The following RSAD1 variants were observed in gnomAD, a reference collection of about 807,000 sequenced individuals.
RSAD1 encodes the protein radical S-adenosyl methionine domain-containing protein 1, mitochondrial.
RSAD1 carries 34 observed loss-of-function variants against 46.2 expected under a neutral mutation model. That is an observed-to-expected ratio of 0.74 (90% CI 0.56 to 0.98). The LOEUF (loss-of-function observed/expected upper bound fraction) is 0.98. Ranked by LOEUF, RSAD1 falls within the 50% of genes least tolerant of loss-of-function variation. RSAD1 has a pLI of 0.00. For missense variants in RSAD1, 635 were observed against 592.3 expected, an observed-to-expected ratio of 1.07 and a Z score of -0.75; for synonymous variants, 260 against 253.5, an observed-to-expected ratio of 1.03 and a Z score of -0.24.
intron 3 of RSAD1, 82 bp from the exon 4 acceptor site, chr17:50,482,009 T>A (rs1458064581): frequency 5.5e-6 from 8 of 1,450,474 alleles, no homozygotes; most frequent in Non-Finnish European, 7.3e-6. Flanking sequence ...GCGTTCTCCC[T>A]GTATCTGTGT....
At chr17:50,484,224 G>A in intron 7 of RSAD1, 1 of 554,834 alleles carries the variant, frequency 1.8e-6, no homozygotes, top group Non-Finnish European at 3.2e-6. Flanking sequence ...CATAGAGGAA[G>A]GCCTGGCTTG....
chr17:50,484,933 T>G lies in RSAD1; in HGVS notation c.*72T>G. On this transcript the variant is annotated 3_prime_UTR_variant, in exon 9 of 9. Transcript: ENST00000258955. ...GCTGGGTCGGTACTGCAGACATCTC[T>G]TCTCCGTTGTCGGGTGCCGTCTCTG... is the stretch of plus-strand genomic sequence containing the variant. 1.8e-5 allele frequency: 22 copies of G among 1,225,018 alleles called. No homozygotes were observed. The highest frequency in any genetic ancestry group is 2.2e-5 in the Non-Finnish European group (18 of 833,858). The allele number at this position is 1,225,018 out of a possible 1,614,324, so 75.9% of individuals were successfully genotyped here. A position where few individuals can be genotyped will look rare whatever the true frequency, so the allele number is the denominator to read the frequency against.
intron 8 of RSAD1, 80 bp from the exon 9 acceptor site, chr17:50,484,664 C>A: frequency 6.6e-7 from 1 of 1,520,030 alleles, no homozygotes; most frequent in Non-Finnish European, 9.1e-7. Context: ...CCTGCGGGTG[C>A]TGGGAGCTCG....
In RSAD1 at chr17:50,483,862, G is replaced by A. The variant is rs1312113097; in HGVS notation, c.1107+102G>A. The A allele has an allele frequency of 4.3e-6, 5 of 1,163,730 alleles. No individual in the cohort carries two copies. The Admixed American group carries it at 8.3e-5, about 19-fold the overall frequency. The allele number at this position is 1,163,730 out of a possible 1,614,324, so 72.1% of individuals were successfully genotyped here. ...CCACACACATATACCTCCAATTTCT[G>A]TGAGATTGGCAGCTAGAAGTGGGGC... On this transcript the variant is annotated intron_variant, in intron 7 of 8. Coordinates refer to ENST00000258955, the MANE Select transcript of RSAD1 (RefSeq NM_018346.3).
rs775123103 is a variant in RSAD1, at chr17:50,480,009, TC to T, written c.401del (p.Pro134LeufsTer22). The stretch of plus-strand genomic sequence containing the variant: ...ACTTGGAAGTCACATTGGAGGCTAA[TC>T]CTACTTCAGCTCCGGGCTCCAGACT... ...ADLEVTLEAN[P>X]TSAPGSRLAE... is the part of the protein sequence containing the mutation. On this transcript the variant is annotated frameshift_variant, in exon 3 of 9. Transcript: ENST00000258955. LOFTEE classifies it high-confidence loss of function. 89 of 1,614,176 alleles carry T rather than the reference TC, an allele frequency of 5.5e-5. No individual in the cohort carries two copies. Among genetic ancestry groups the T allele is most frequent in the Admixed American group, 1.8e-4 (11 of 60,028 alleles).
Position 50,478,895 on chromosome 17 carries a change from C to T in RSAD1, c.11C>T (p.Pro4Leu), listed in dbSNP as rs752123291. Residue 4 changes from proline (P) to leucine (L), a missense_variant, in exon 1 of 9, where the codon CCC becomes CTC. Pro to Leu is a moderately conservative substitution (Grantham distance 98). Coordinates refer to ENST00000258955, the MANE Select transcript of RSAD1 (RefSeq NM_018346.3). MAL[P>L]GARARGWAAA... ...GCTGCGCTGGGCGCCATGGCGCTCC[C>T]CGGAGCCCGGGCTCGCGGCTGGGCG... is the stretch of plus-strand genomic sequence containing the variant. 3.0e-5 allele frequency: 39 copies of T among 1,312,454 alleles called. No homozygotes were observed. Among genetic ancestry groups the T allele is most frequent in the Non-Finnish European group, 3.6e-5 (37 of 1,038,558 alleles). The allele number at this position is 1,312,454 out of a possible 1,614,324, so 81.3% of individuals were successfully genotyped here.
intron 5 of RSAD1, among the ~76,000 whole-genome samples, 154 bp from the exon 6 acceptor site, chr17:50,483,186 A>AG (rs1473931007): frequency 2.2e-4 from 31 of 141,304 alleles, no homozygotes; most frequent in African/African-American, 8.5e-4. Flanking sequence ...AAAAAAAAAA[A>AG]AAAAAAGAAA....
intron 5 of RSAD1, 139 bp from the exon 6 acceptor site, chr17:50,483,201 G>GAAAGAAAA: frequency 1.5e-6 from 1 of 648,578 alleles, no homozygotes; most frequent in East Asian, 3.6e-5. Flanking sequence ...AAGAAAGAAA[G>GAAAGAAAA]AAAGAAAGAA....
intron 7 of RSAD1, 25 bp from the exon 8 acceptor site, chr17:50,484,414 CCCA>C: frequency 1.2e-6 from 2 of 1,606,350 alleles, no homozygotes; most frequent in Non-Finnish European, 1.7e-6. Flanking sequence ...AGGCCAGCTC[CCCA>C]CCTCTGACCC....
Position 50,478,982 on chromosome 17 carries a change from C to A in RSAD1, c.98C>A (p.Pro33His), listed in dbSNP as rs766924704. Residue 33 changes from proline (P) to histidine (H), a missense_variant, in exon 1 of 9, where the codon CCT becomes CAT. Transcript: ENST00000258955. ...RVENAGGSPS[P>H]EPAGRRAALY... ...GAGAACGCAGGAGGGTCCCCGAGTC[C>A]TGAGCCTGCGGGCCGGCGCGCGGCG... 5.6e-5 allele frequency: 78 copies of A among 1,393,998 alleles called. No homozygotes were observed. In the Middle Eastern group the frequency reaches 9.0e-4, roughly 16 times the overall value. The allele number at this position is 1,393,998 out of a possible 1,614,324, so 86.4% of individuals were successfully genotyped here.
At chr17:50,480,309 C>G (rs1360869736) in intron 3 of RSAD1, 2 of 571,544 alleles carry the variant, frequency 3.5e-6, no homozygotes, top group South Asian at 4.0e-5. Flanking sequence ...ATTTCAAACA[C>G]TTACCATAGT....
chr17:50,484,315 T>G lies in RSAD1; in HGVS notation c.1108-127T>G, dbSNP rs2033422833. Reference sequence around the variant, plus strand: ...GCTGGCCCATTGGCCTGGTTCTGCTTTCATGCATGTCAGCTGCTGAGATCT... The same window carrying G: ...GCTGGCCCATTGGCCTGGTTCTGCTGTCATGCATGTCAGCTGCTGAGATCT... On this transcript the variant is annotated intron_variant, in intron 7 of 8. Transcript: ENST00000258955. 3 of 758,698 alleles carry G rather than the reference T, an allele frequency of 4.0e-6. No homozygotes were observed. The South Asian group carries it at 5.3e-5, about 13-fold the overall frequency. 47.0% of individuals were successfully genotyped at this position (758,698 alleles called of 1,614,324 possible). A position where few individuals can be genotyped will look rare whatever the true frequency, so the allele number is the denominator to read the frequency against.
rs548682599 is a variant in RSAD1, at chr17:50,480,288, G to A, written c.474+204G>A. On this transcript the variant is annotated intron_variant, in intron 3 of 8. Transcript: ENST00000258955. ...AGACTTTATGAGAAAGGGATCAGGTGTGGCTTTTCTATTTCAAACACTTAC... is the reference window on the plus strand; with the variant it reads ...AGACTTTATGAGAAAGGGATCAGGTATGGCTTTTCTATTTCAAACACTTAC... 62 of 600,200 alleles carry A rather than the reference G, an allele frequency of 1.0e-4. No individual in the cohort carries two copies. The South Asian group carries it at 1.1e-3, about 11-fold the overall frequency. 37.2% of individuals were successfully genotyped at this position (600,200 alleles called of 1,614,324 possible).
intron 3 of RSAD1, 152 bp from the exon 4 acceptor site, chr17:50,481,939 G>A: frequency 1.2e-6 from 1 of 853,842 alleles, no homozygotes; most frequent in Admixed American, 2.8e-5. Flanking sequence ...TCTGTGAATG[G>A]CAGCTCTTGG....
intron 7 of RSAD1, 48 bp from the exon 8 acceptor site, chr17:50,484,394 C>T (rs753562297): frequency 1.9e-6 from 3 of 1,554,956 alleles, no homozygotes; most frequent in South Asian, 2.3e-5. Flanking sequence ...CTATGTGGCC[C>T]AGAGTAGCCA....
At chr17:50,479,524 A>C in intron 1 of RSAD1, 105 bp from the exon 2 acceptor site, 1 of 1,471,108 alleles carries the variant, frequency 6.8e-7, no homozygotes, top group African/African-American at 1.4e-5. Context: ...GCTACTGTGG[A>C]AAGACCTCGG....
rs1424693374 is a variant in RSAD1 at position 50,478,969 on chromosome 17, GGGTCCCC to G, written c.87_93del (p.Ser30ValfsTer45). ...GCGCCGCCGCGTGGAGAACGCAGGA[GGGTCCCC>G]GAGTCCTGAGCCTGCGGGCCGGCGC... On this transcript the variant is annotated frameshift_variant, in exon 1 of 9. Transcript: ENST00000258955. LOFTEE classifies it high-confidence loss of function. 2 of 1,403,012 alleles carry G rather than the reference GGGTCCCC, an allele frequency of 1.4e-6. No individual in the cohort carries two copies. The highest frequency in any genetic ancestry group is 1.8e-6 in the Non-Finnish European group (2 of 1,084,682). The allele number at this position is 1,403,012 out of a possible 1,614,324, so 86.9% of individuals were successfully genotyped here.
chr17:50,479,106 T>C, intron 1 of RSAD1, 87 bp downstream of exon 1: 1 of 1,246,134 alleles, frequency 8.0e-7, no homozygotes, highest in Non-Finnish European at 1.0e-6. Flanking sequence ...TGGCGGTTTG[T>C]CACTCTATGA....
Position 50,484,494 on chromosome 17 carries a change from A to T in RSAD1, c.1160A>T (p.Asn387Ile), listed in dbSNP as rs2033426092. 6.2e-7 allele frequency: 1 copy of T among 1,613,668 alleles called. No individual in the cohort carries two copies. Among genetic ancestry groups the T allele is most frequent in the African/African-American group, 1.3e-5 (1 of 74,936 alleles). Reference protein sequence around the residue: ...QLTLWDVFGANKEVQELLERG... With the variant: ...QLTLWDVFGAIKEVQELLERG... ...ACCCTGTGGGATGTGTTTGGAGCGA[A>T]CAAGGAGGTGCAGGAGCTGCTGGAG... The change falls in exon 8 of 9, where the codon AAC (asparagine) becomes ATC (isoleucine). Residue 387 changes from asparagine to isoleucine, a missense_variant. Transcript: ENST00000258955.
Sources: gnomAD v4.1 joint callset for allele counts (sites outside exome capture counted in the v4.1 genomes callset) on GRCh38, gnomAD v4.1.1 for gene constraint, MANE v1.5 for transcripts, NCBI Gene and HGNC (gene_info 2026-07-23, HGNC 2026-07-21) for gene names.